ATP2A2: variants seen among roughly 807,000 people sequenced by gnomAD.
ATP2A2 encodes the protein ATPase sarcoplasmic/endoplasmic reticulum Ca2+ transporting 2.
In ATP2A2, 14 loss-of-function variants were observed where a neutral mutation model predicts 109.3. The observed-to-expected ratio is 0.13, with a 90% CI of 0.08 to 0.20. The LOEUF is 0.20. ATP2A2 is among the 10% of genes least tolerant of loss of function. ATP2A2 has a pLI of 1.00. For missense variants in ATP2A2, 657 were observed against 1,321.6 expected (o/e 0.50, Z 7.80); for synonymous variants, 506 against 490.9 (o/e 1.03, Z -0.41).
rs56253731 is a variant in ATP2A2 at position 110,332,581 on chromosome 12, C to G, written c.1096-16C>G. On this transcript the variant is annotated splice_polypyrimidine_tract_variant and intron_variant, in intron 8 of 19. Transcript: ENST00000539276. ...AAAATCCCTTTTAAATACTCTGATG[C>G]GCTCTCCCCCTACAGATGTTCATTC... 1.6e-5 allele frequency: 26 copies of G among 1,588,214 alleles called. No homozygotes were observed. The highest frequency in any genetic ancestry group is 2.2e-5 in the Non-Finnish European group (26 of 1,156,630).
intron 11 of ATP2A2, among the ~76,000 whole-genome samples, chr12:110,336,812 C>T (rs1295999071): frequency 6.6e-6 from 1 of 152,236 alleles, no homozygotes; most frequent in African/African-American, 2.4e-5. Context: ...CTTCTTCCCT[C>T]TACCCATGTG....
In ATP2A2 at chr12:110,282,718, A is replaced by G; in HGVS notation, c.142A>G (p.Thr48Ala). Residue 48 changes from threonine (T) to alanine (A), a missense_variant, in exon 3 of 20, where the codon ACC becomes GCC. Physicochemically the swap from Thr to Ala is moderately conservative, Grantham distance 58. Transcript: ENST00000539276. ...SNELPAEEGKTLLELVIEQFE... is the reference protein window; with the variant it reads ...SNELPAEEGKALLELVIEQFE... ...CATGTGTTTGTTTCTTACAGGAAAA[A>G]CCTTGCTGGAACTTGTGATTGAGCA... 1 of 1,613,996 alleles carries G rather than the reference A, an allele frequency of 6.2e-7. No individual in the cohort carries two copies. Among genetic ancestry groups the G allele is most frequent in the Middle Eastern group, 1.6e-4 (1 of 6,062 alleles).
chr12:110,303,611 C>T (rs754294593), intron 5 of ATP2A2, among the ~76,000 whole-genome samples: 8 of 152,184 alleles, frequency 5.3e-5, no homozygotes, highest in African/African-American at 7.2e-5. Context: ...GGGGTTTCAC[C>T]GTGTTGGCCA....
At chr12:110,296,386 T>C in intron 4 of ATP2A2, 1 of 592,302 alleles carries the variant, frequency 1.7e-6, no homozygotes, top group South Asian at 1.9e-5. Flanking sequence ...TTTATCCCCT[T>C]AGCTTAATTG....
At chr12:110,332,110 ATGT>A in intron 8 of ATP2A2, 1 of 183,860 alleles carries the variant, frequency 5.4e-6, no homozygotes, top group Non-Finnish European at 1.2e-5. Flanking sequence ...TACTCGGGAA[ATGT>A]TTATGCAACT....
chr12:110,281,699 C>G lies in ATP2A2; in HGVS notation c.-91C>G, dbSNP rs376070657. On this transcript the variant is annotated 5_prime_UTR_variant, in exon 1 of 20. Transcript: ENST00000539276. ...GGGAGAGCCCGTCCGCGCCTGGGCTCCCGGGGTGGCACGAGCCCGCGGCCG... is the reference window on the plus strand; with the variant it reads ...GGGAGAGCCCGTCCGCGCCTGGGCTGCCGGGGTGGCACGAGCCCGCGGCCG... 35 of 900,232 alleles carry G rather than the reference C, an allele frequency of 3.9e-5. No homozygotes were observed. In the East Asian group the frequency reaches 6.9e-4, roughly 18 times the overall value. The allele number at this position is 900,232 out of a possible 1,614,324, so 55.8% of individuals were successfully genotyped here. A position where few individuals can be genotyped will look rare whatever the true frequency, so the allele number is the denominator to read the frequency against.
At chr12:110,282,366 T>C (rs1274756457) in intron 1 of ATP2A2, among the ~76,000 whole-genome samples, 1 of 152,168 alleles carries the variant, frequency 6.6e-6, no homozygotes, top group Non-Finnish European at 1.5e-5. Flanking sequence ...GATTTCACGC[T>C]TAGGGCTAGA....
chr12:110,346,369 T>C lies in ATP2A2; in HGVS notation c.3028T>C (p.Cys1010Arg), dbSNP rs763589652. The C allele has an allele frequency of 6.2e-7, 1 of 1,614,226 alleles. No individual in the cohort carries two copies. The highest frequency in any genetic ancestry group is 8.5e-7 in the Non-Finnish European group (1 of 1,180,044). The change falls in exon 20 of 20, where the codon TGC (cysteine) becomes CGC (arginine). Residue 1010 changes from cysteine (C) to arginine (R), a missense_variant. Around this residue, in one of 9 missense-constraint regions of ATP2A2, gnomAD observed 53 missense variants for 61.2 expected, o/e 0.87. Transcript: ENST00000539276. ...PATKSCSFSA[C>R]TDGISWPFVL... ...CACCAAATCCTGCTCGTTCTCGGCATGCACCGATGGGATTTCCTGGCCGTT... is the reference window on the plus strand; with the variant it reads ...CACCAAATCCTGCTCGTTCTCGGCACGCACCGATGGGATTTCCTGGCCGTT...
intron 5 of ATP2A2, 38 bp from the exon 6 acceptor site, chr12:110,322,954 G>A (rs1163403851): frequency 7.1e-7 from 1 of 1,414,390 alleles, no homozygotes; most frequent in African/African-American, 1.4e-5. Flanking sequence ...AGTTTTAAAA[G>A]TTGCTCATTT....
In ATP2A2 at chr12:110,292,057, C is replaced by T. The variant is rs1173611300; in HGVS notation, c.257C>T (p.Thr86Ile). 6.2e-7 allele frequency: 1 copy of T among 1,614,184 alleles called. No individual in the cohort carries two copies. Among genetic ancestry groups the T allele is most frequent in the South Asian group, 1.1e-5 (1 of 91,090 alleles). Residue 86 changes from threonine (T) to isoleucine (I), a missense_variant, in exon 4 of 20, where the codon ACA becomes ATA. By Grantham distance (89) the Thr-to-Ile change is moderately conservative. Around this residue, in one of 9 missense-constraint regions of ATP2A2, gnomAD observed 136 missense variants for 343.9 expected, o/e 0.40. Transcript: ENST00000539276. ...AWFEEGEETI[T>I]AFVEPFVILL... is the part of the protein sequence containing the mutation. ...TTTGAAGAAGGTGAAGAAACAATTA[C>T]AGCCTTTGTAGAACCTTTTGTAATT...
intron 10 of ATP2A2, among the ~76,000 whole-genome samples, chr12:110,333,777 C>A (rs1005819121): frequency 6.6e-6 from 1 of 152,126 alleles, no homozygotes; most frequent in Non-Finnish European, 1.5e-5. Context: ...TGTTTGATGT[C>A]ATCTTATATT....
chr12:110,283,154 T>C (rs1872320823), intron 3 of ATP2A2, among the ~76,000 whole-genome samples: 2 of 152,226 alleles, frequency 1.3e-5, no homozygotes, highest in African/African-American at 4.8e-5. Flanking sequence ...ACTAAGATGA[T>C]GTTGGACTCT....
At chr12:110,305,048 C>T (rs1875125120) in intron 5 of ATP2A2, among the ~76,000 whole-genome samples, 1 of 152,068 alleles carries the variant, frequency 6.6e-6, no homozygotes, top group African/African-American at 2.4e-5. Context: ...ATTCTCCCGC[C>T]TCAGTCTCCC....
intron 4 of ATP2A2, 29 bp downstream of exon 4, chr12:110,292,153 T>G (rs756609040): frequency 2.0e-6 from 3 of 1,498,656 alleles, no homozygotes; most frequent in Non-Finnish European, 2.8e-6. Flanking sequence ...ACTGCAAAAT[T>G]TCAATAAGTT....
At chr12:110,291,411 G>A (rs1412260283) in intron 3 of ATP2A2, among the ~76,000 whole-genome samples, 2 of 151,754 alleles carry the variant, frequency 1.3e-5, no homozygotes, top group South Asian at 2.1e-4. Flanking sequence ...TCGCCATGTC[G>A]GCCAGGCTGG....
rs1472237478 is a variant in ATP2A2 at position 110,281,746 on chromosome 12, A to G, written c.-44A>G. The stretch of plus-strand genomic sequence containing the variant: ...GCCGGAGTGCGAGGCGGAGGCGAGG[A>G]GGCCGCGGGGACGGGAGGCGAGGCC... On this transcript the variant is annotated 5_prime_UTR_variant, in exon 1 of 20. Coordinates refer to ENST00000539276, the MANE Select transcript of ATP2A2 (RefSeq NM_170665.4). The G allele has an allele frequency of 5.0e-6, 7 of 1,387,228 alleles. No homozygotes were observed. The highest frequency in any genetic ancestry group is 5.3e-5 in the Admixed American group (2 of 37,694). 85.9% of individuals were successfully genotyped at this position (1,387,228 alleles called of 1,614,324 possible). A position where few individuals can be genotyped will look rare whatever the true frequency, so the allele number is the denominator to read the frequency against.
At chr12:110,323,570 G>A (rs1398338049) in intron 6 of ATP2A2, among the ~76,000 whole-genome samples, 1 of 152,200 alleles carries the variant, frequency 6.6e-6, no homozygotes, top group Non-Finnish European at 1.5e-5. Context: ...AACACTTTGG[G>A]AGACTGAGGC....
In ATP2A2 at chr12:110,323,461, AGGCGT is replaced by A. The variant is rs371401132; in HGVS notation, c.544+391_544+395del. Among the ~76,000 whole-genome samples, 510 of 152,310 alleles carry A rather than the reference AGGCGT, an allele frequency of 3.3e-3. 4 individuals are homozygous for A. The highest frequency in any genetic ancestry group is 0.012 in the African/African-American group (494 of 41,562). ...CGGCCTCCCAAAGTGCTGGGATTAC[AGGCGT>A]GAACCACTGCACCTGGCTGCCGATA... is the stretch of plus-strand genomic sequence containing the variant. On this transcript the variant is annotated intron_variant, in intron 6 of 19. Transcript: ENST00000539276.
chr12:110,339,778 A>C lies in ATP2A2; in HGVS notation c.1761+57A>C. On this transcript the variant is annotated intron_variant, in intron 13 of 19. Transcript: ENST00000539276. This position sits in a 1 kb window ranked among gnomAD's most constrained non-coding sequence, Gnocchi z 4.4. ...CCTGCACGATTCATTGTGTTTAAAC[A>C]GTACTCCTTCAAGCAAAAGGTCAAA... 6.4e-7 allele frequency: 1 copy of C among 1,559,512 alleles called. No individual in the cohort carries two copies. Among genetic ancestry groups the C allele is most frequent in the African/African-American group, 1.4e-5 (1 of 73,916 alleles).
Sources: gnomAD v4.1 joint callset for allele counts (sites outside exome capture counted in the v4.1 genomes callset) on GRCh38, gnomAD v4.1.1 for gene constraint, gnomAD v4.1.1 regional missense constraint, Gnocchi (gnomAD v3.1) non-coding constraint, MANE v1.5 for transcripts, NCBI Gene and HGNC (gene_info 2026-07-23, HGNC 2026-07-21) for gene names.